Variants in RPGRIP1 observed in about 807,000 individuals in gnomAD.
RPGRIP1 encodes RPGR interacting protein 1.
A neutral mutation model predicts 157.9 loss-of-function variants in RPGRIP1; 128 were observed. That is an observed-to-expected ratio of 0.81 (90% CI 0.70 to 0.94). RPGRIP1 has a LOEUF of 0.94. Among genes scored for constraint, RPGRIP1 ranks in the 40% least tolerant of loss-of-function variants. The pLI is 0.00. For missense variants in RPGRIP1, 1,486 were observed against 1,545.8 expected, an observed-to-expected ratio of 0.96 and a Z score of 0.65; for synonymous variants, 554 against 571.6, an observed-to-expected ratio of 0.97 and a Z score of 0.44.
chr14:21,350,616 C>G (rs1886152711), intron 24 of RPGRIP1, among the ~76,000 whole-genome samples: 1 of 152,194 alleles, frequency 6.6e-6, no homozygotes, highest in African/African-American at 2.4e-5. Context: ...TCTTTTTCCT[C>G]ATCTATAAAA....
rs1227240120 is a variant in RPGRIP1, at chr14:21,290,394, C to T, written c.85+2333C>T. ...TTTAAAAAAATATATTCTTTCTTGG[C>T]TGGGCAAAGTGGTTCACGCCTGTAA... On this transcript the variant is annotated intron_variant, in intron 2 of 24. Coordinates refer to ENST00000400017, the MANE Select transcript of RPGRIP1 (RefSeq NM_020366.4). Among the ~76,000 whole-genome samples the T allele has an allele frequency of 3.9e-5, 6 of 152,252 alleles. No homozygotes were observed. The East Asian group carries it at 1.2e-3, about 29-fold the overall frequency.
chr14:21,317,729 C>T lies in RPGRIP1; in HGVS notation c.1185C>T (p.Pro395=), dbSNP rs961245689. The change falls in exon 11 of 25, where the codon CCC becomes CCT. Residue 395 remains proline (P), a synonymous_variant. Coordinates refer to ENST00000400017, the MANE Select transcript of RPGRIP1 (RefSeq NM_020366.4). The part of the protein sequence containing the change: ...MLDSSDSSSQ[P]HWSNELIAEQ... ...ACAGCAGTGACAGCTCCAGTCAGCC[C>T]CACTGGAGCAACGAGCTCATAGCGG... The T allele has an allele frequency of 6.3e-6, 10 of 1,588,836 alleles. No individual in the cohort carries two copies. Among genetic ancestry groups the T allele is most frequent in the Admixed American group, 5.4e-5 (3 of 55,702 alleles).
In RPGRIP1 at chr14:21,294,661, T is replaced by C. The variant is rs1661305897; in HGVS notation, c.86-16T>C. On this transcript the variant is annotated splice_polypyrimidine_tract_variant and intron_variant, in intron 2 of 24. Coordinates refer to ENST00000400017, the MANE Select transcript of RPGRIP1 (RefSeq NM_020366.4). The stretch of plus-strand genomic sequence containing the variant: ...GTGTAAAAATACTGTCCATTTACTG[T>C]TTTCTGGGACTTTAGGTAAGAATAT... 1.9e-6 allele frequency: 3 copies of C among 1,611,878 alleles called. No individual in the cohort carries two copies.
chr14:21,301,197 C>G lies in RPGRIP1; in HGVS notation c.450C>G (p.Leu150=), dbSNP rs144585562. The G allele has an allele frequency of 1.0e-3, 1,670 of 1,594,698 alleles. 32 individuals carry two copies. In the East Asian group the frequency reaches 0.029, roughly 28 times the overall value. Residue 150 remains leucine (L), a synonymous_variant, in exon 4 of 25, where the codon CTC becomes CTG. Transcript: ENST00000400017. ...GCGTCCAAGTGGGACACAGACAGCT[C>G]CACACAGCCGGTGCACCGGTGCCGG... is the stretch of plus-strand genomic sequence containing the variant. ...QPRVQVGHRQ[L]HTAGAPVPEK...
At chr14:21,284,480 G>C (rs1242213601) in intron 1 of RPGRIP1, among the ~76,000 whole-genome samples, 1 of 151,376 alleles carries the variant, frequency 6.6e-6, no homozygotes, top group Admixed American at 6.6e-5. Flanking sequence ...GGAAACATTT[G>C]AAAGGGGAAA....
chr14:21,339,750 C>T (rs527500706), intron 21 of RPGRIP1, among the ~76,000 whole-genome samples: 12 of 152,158 alleles, frequency 7.9e-5, no homozygotes, highest in Non-Finnish European at 1.6e-4. Context: ...TCGGGCTTCA[C>T]AGCAGCCTTA....
At chr14:21,337,435 A>T in intron 21 of RPGRIP1, among the ~76,000 whole-genome samples, 1 of 133,468 alleles carries the variant, frequency 7.5e-6, no homozygotes. Flanking sequence ...TCTCAATGTT[A>T]AGCTTTTTTT....
intron 10 of RPGRIP1, among the ~76,000 whole-genome samples, chr14:21,315,907 T>C (rs1219680040): frequency 6.6e-6 from 1 of 150,768 alleles, no homozygotes; most frequent in Non-Finnish European, 1.5e-5. Flanking sequence ...CAAGTGATTC[T>C]CCTTCCTCAG....
At chr14:21,345,441 G>A (rs544236126) in intron 23 of RPGRIP1, among the ~76,000 whole-genome samples, 42 of 151,284 alleles carry the variant, frequency 2.8e-4, no homozygotes, top group Non-Finnish European at 4.6e-4. Context: ...TCACTCTGTC[G>A]TCCAGGCTAG....
In RPGRIP1 at chr14:21,301,163, C is replaced by T. The variant is rs1169371081; in HGVS notation, c.416C>T (p.Ala139Val). ...GTCGGCCCTGCCAGCCCCCGCCGCG[C>T]CCAGCCTCGCGTCCAAGTGGGACAC... ...HCVGPASPRR[A>V]QPRVQVGHRQ... The change falls in exon 4 of 25, where the codon GCC (alanine) becomes GTC (valine). Residue 139 changes from alanine to valine, a missense_variant. Transcript: ENST00000400017. 4.4e-6 allele frequency: 7 copies of T among 1,594,050 alleles called. No homozygotes were observed. Among genetic ancestry groups the T allele is most frequent in the Non-Finnish European group, 6.0e-6 (7 of 1,170,864 alleles).
chr14:21,325,488 G>A lies in RPGRIP1; in HGVS notation c.2367+105G>A, dbSNP rs1275487432. On this transcript the variant is annotated intron_variant, in intron 16 of 24. Coordinates refer to ENST00000400017, the MANE Select transcript of RPGRIP1 (RefSeq NM_020366.4). ...CAATAAGTGTTTGTTGAATGTGAAT[G>A]AAAGAGAAAACTGTCACACCACAAC... 7.0e-6 allele frequency: 8 copies of A among 1,139,190 alleles called. No individual in the cohort carries two copies. The South Asian group carries it at 7.9e-5, about 11-fold the overall frequency. The allele number at this position is 1,139,190 out of a possible 1,614,324, so 70.6% of individuals were successfully genotyped here. A position where few individuals can be genotyped will look rare whatever the true frequency, so the allele number is the denominator to read the frequency against.
intron 3 of RPGRIP1, among the ~76,000 whole-genome samples, chr14:21,295,247 T>C (rs1880719225): frequency 6.6e-6 from 1 of 152,042 alleles, no homozygotes; most frequent in Non-Finnish European, 1.5e-5. Context: ...GCTTGGGTGA[T>C]AATATTTCAG....
At chr14:21,318,110 G>GTTT (rs752569397) in intron 11 of RPGRIP1, 31 of 617,364 alleles carry the variant, frequency 5.0e-5, no homozygotes, top group South Asian at 4.6e-4. Context: ...TTGTTTGTTT[G>GTTT]TTTGTTTGTT....
In RPGRIP1 at chr14:21,310,576, TC is replaced by T. The variant is rs1881499414; in HGVS notation, c.907-7del. 1 of 1,368,180 alleles carries T rather than the reference TC, an allele frequency of 7.3e-7. No homozygotes were observed. Among genetic ancestry groups the T allele is most frequent in the African/African-American group, 1.5e-5 (1 of 67,598 alleles). 84.8% of individuals were successfully genotyped at this position (1,368,180 alleles called of 1,614,324 possible). ...ATCAATAAAATAATAATAATTTCTT[TC>T]TTCCAGGCATACGAAACCTTGCTCC... On this transcript the variant is annotated splice_polypyrimidine_tract_variant and splice_region_variant and intron_variant, in intron 7 of 24. Coordinates refer to ENST00000400017, the MANE Select transcript of RPGRIP1 (RefSeq NM_020366.4).
chr14:21,286,451 G>A (rs114485494), intron 1 of RPGRIP1, among the ~76,000 whole-genome samples: 1,881 of 149,744 alleles, frequency 0.013, 30 homozygotes, highest in Middle Eastern at 0.041. Flanking sequence ...TCCTGTTGGG[G>A]AAAAGTGAAT....
intron 1 of RPGRIP1, among the ~76,000 whole-genome samples, chr14:21,282,919 C>T (rs771833751): frequency 3.9e-5 from 6 of 151,948 alleles, no homozygotes; most frequent in Non-Finnish European, 7.4e-5. Flanking sequence ...CTACATTCCA[C>T]TTTTTCATTC....
In RPGRIP1 at chr14:21,294,704, T is replaced by C; in HGVS notation, c.113T>C (p.Leu38Ser). 18 of 1,613,610 alleles carry C rather than the reference T, an allele frequency of 1.1e-5. No individual in the cohort carries two copies. The highest frequency in any genetic ancestry group is 1.5e-5 in the Non-Finnish European group (18 of 1,179,682). ...KGKNMKTQPP[L>S]SRMNREELED... ...AAGAATATGAAAACTCAACCACCCT[T>C]GAGCAGGATGAACCGGGAGGAATTG... Residue 38 changes from leucine to serine, a missense_variant, in exon 3 of 25, where the codon TTG becomes TCG. Leu to Ser is a moderately radical substitution (Grantham distance 145). Transcript: ENST00000400017.
In RPGRIP1 at chr14:21,343,033, C is replaced by G; in HGVS notation, c.3340-3C>G. On this transcript the variant is annotated splice_region_variant and splice_polypyrimidine_tract_variant and intron_variant, in intron 21 of 24. Coordinates refer to ENST00000400017, the MANE Select transcript of RPGRIP1 (RefSeq NM_020366.4). ...GGAACTAAATAAACATTTTCCTTAT[C>G]AGGATTCAGAGAAGATGTGCATTGA... The G allele has an allele frequency of 1.9e-6, 3 of 1,609,072 alleles. No homozygotes were observed. Among genetic ancestry groups the G allele is most frequent in the Non-Finnish European group, 2.5e-6 (3 of 1,176,980 alleles).
chr14:21,280,298 C>T lies in RPGRIP1; in HGVS notation c.-39+139C>T, dbSNP rs565901981. Among the ~76,000 whole-genome samples the T allele has an allele frequency of 2.8e-4, 39 of 137,878 alleles. No individual in the cohort carries two copies. The Middle Eastern group carries it at 0.018, about 65-fold the overall frequency. 90.5% of individuals were successfully genotyped at this position (137,878 alleles called of 152,430 possible). On this transcript the variant is annotated intron_variant, in intron 1 of 24. Coordinates refer to ENST00000400017, the MANE Select transcript of RPGRIP1 (RefSeq NM_020366.4). ...TTACTCTGTCGCCCAGGCTGGAGTG[C>T]ACCGGCACTATCTCTGCTCACTGCA...
Sources: gnomAD v4.1 joint callset for allele counts (sites outside exome capture counted in the v4.1 genomes callset) on GRCh38, gnomAD v4.1.1 for gene constraint, MANE v1.5 for transcripts, NCBI Gene and HGNC (gene_info 2026-07-23, HGNC 2026-07-21) for gene names.